PIK3R4: variants seen among roughly 807,000 people sequenced by gnomAD.
PIK3R4 encodes phosphoinositide 3-kinase regulatory subunit 4.
PIK3R4 carries 46 observed loss-of-function variants against 136.5 expected under a neutral mutation model. The observed-to-expected ratio is 0.34, with a 90% CI of 0.27 to 0.43. The LOEUF (loss-of-function observed/expected upper bound fraction) is 0.43. Among genes scored for constraint, PIK3R4 ranks in the 20% least tolerant of loss-of-function variants. The pLI, the probability that PIK3R4 is intolerant of heterozygous loss-of-function variation, is 1.00. For missense variants in PIK3R4, 1,331 were observed against 1,649.5 expected (o/e 0.81, Z 3.35); for synonymous variants, 557 against 566.7 (o/e 0.98, Z 0.24).
intron 7 of PIK3R4, among the ~76,000 whole-genome samples, chr3:130,721,074 G>A (rs2066697110): frequency 6.6e-6 from 1 of 151,880 alleles, no homozygotes. Flanking sequence ...GGTGGCTCAC[G>A]CCTGTAATCC....
intron 15 of PIK3R4, among the ~76,000 whole-genome samples, chr3:130,684,986 A>T (rs2066481450): frequency 6.6e-6 from 1 of 152,232 alleles, no homozygotes; most frequent in African/African-American, 2.4e-5. Context: ...TAACAGTGTA[A>T]CAAATATGAG....
At chr3:130,736,621 T>C (rs1306186716) in intron 2 of PIK3R4, among the ~76,000 whole-genome samples, 1 of 152,236 alleles carries the variant, frequency 6.6e-6, no homozygotes, top group South Asian at 2.1e-4. Flanking sequence ...TGAATGTATA[T>C]ATGTAATATA....
intron 12 of PIK3R4, among the ~76,000 whole-genome samples, chr3:130,704,883 T>C (rs1422101550): frequency 6.6e-6 from 1 of 152,158 alleles, no homozygotes; most frequent in East Asian, 1.9e-4. Flanking sequence ...CAGGCTGGAA[T>C]GCAGTGATAT....
intron 7 of PIK3R4, among the ~76,000 whole-genome samples, chr3:130,720,671 GA>G (rs1042245131): frequency 1.1e-4 from 16 of 152,024 alleles, no homozygotes; most frequent in Non-Finnish European, 2.4e-4. Context: ...TCCTCTTGTA[GA>G]AAAAAATCTG....
At chr3:130,739,172 G>C (rs1162184099) in intron 2 of PIK3R4, among the ~76,000 whole-genome samples, 2 of 152,202 alleles carry the variant, frequency 1.3e-5, no homozygotes, top group Admixed American at 6.5e-5. Context: ...CGCCTCCCTG[G>C]TTCACGCCAT....
chr3:130,721,030 C>T (rs1406535313), intron 7 of PIK3R4, among the ~76,000 whole-genome samples: 1 of 151,382 alleles, frequency 6.6e-6, no homozygotes, highest in African/African-American at 2.4e-5. Flanking sequence ...GAGCAAAACC[C>T]TGTGTCTTAA....
chr3:130,700,688 G>C (rs1362284037), intron 13 of PIK3R4, among the ~76,000 whole-genome samples: 1 of 152,200 alleles, frequency 6.6e-6, no homozygotes, highest in African/African-American at 2.4e-5. Flanking sequence ...ACTCCTCTTA[G>C]TCAGAATGTA....
intron 5 of PIK3R4, among the ~76,000 whole-genome samples, chr3:130,728,997 T>C (rs2066748337): frequency 6.6e-6 from 1 of 152,202 alleles, no homozygotes; most frequent in African/African-American, 2.4e-5. Context: ...GGAAATCACA[T>C]TGCCCCAGTA....
chr3:130,714,561 G>C (rs1333357767), intron 9 of PIK3R4, among the ~76,000 whole-genome samples: 5 of 152,114 alleles, frequency 3.3e-5, no homozygotes, highest in Non-Finnish European at 1.5e-5. Flanking sequence ...GTGCTATGGT[G>C]GTTTGCTTCA....
chr3:130,742,210 C>T (rs2066827758), intron 2 of PIK3R4, among the ~76,000 whole-genome samples: 1 of 152,184 alleles, frequency 6.6e-6, no homozygotes, highest in Admixed American at 6.5e-5. Flanking sequence ...AGATGCCACC[C>T]ACCTCTTTTT....
At chr3:130,715,922 A>G (rs1327238184) in intron 9 of PIK3R4, among the ~76,000 whole-genome samples, 1 of 152,250 alleles carries the variant, frequency 6.6e-6, no homozygotes, top group East Asian at 1.9e-4. Context: ...CTGCTGGTCT[A>G]TTAAACCTAA....
At chr3:130,703,487 C>T (rs1288434853) in intron 13 of PIK3R4, among the ~76,000 whole-genome samples, 2 of 152,170 alleles carry the variant, frequency 1.3e-5, no homozygotes, top group African/African-American at 4.8e-5. Context: ...AGCTTCCTTT[C>T]CTGCTGTATT....
At position 130,744,951 on chromosome 3, in the gene PIK3R4, C is replaced by T. The variant is rs911577101; in HGVS notation, c.268G>A (p.Ala90Thr). 1 of 1,614,182 alleles carries T rather than the reference C, an allele frequency of 6.2e-7. No individual in the cohort carries two copies. The highest frequency in any genetic ancestry group is 1.1e-5 in the South Asian group (1 of 91,084). The change falls in exon 2 of 20, where the codon GCA becomes ACA. Residue 90 changes from alanine (A) to threonine (T), a missense_variant. Ala to Thr is a moderately conservative substitution (Grantham distance 58). Coordinates refer to ENST00000356763, the MANE Select transcript of PIK3R4 (RefSeq NM_014602.3). ...SAQNCLPFQK[A>T]SEKASEKAAM... ...GCTTTCTCAGATGCTTTTTCTGATGCTTTCTGGAAAGGTAGACAATTCTGT... is the reference window on the plus strand; with the variant it reads ...GCTTTCTCAGATGCTTTTTCTGATGTTTTCTGGAAAGGTAGACAATTCTGT...
intron 8 of PIK3R4, among the ~76,000 whole-genome samples, chr3:130,718,075 C>T (rs2066675874): frequency 6.6e-6 from 1 of 152,014 alleles, no homozygotes; most frequent in Non-Finnish European, 1.5e-5. Flanking sequence ...AAGCAGAGGG[C>T]CATCAATATA....
At chr3:130,744,351 C>A in intron 2 of PIK3R4, 135 bp downstream of exon 2, 2 of 927,018 alleles carry the variant, frequency 2.2e-6, no homozygotes, top group East Asian at 4.9e-5. Flanking sequence ...AATGCTGCCT[C>A]TAACTGAAAT....
intron 7 of PIK3R4, 77 bp from the exon 8 acceptor site, chr3:130,718,611 C>T (rs1349691277): frequency 2.2e-5 from 31 of 1,424,540 alleles, no homozygotes; most frequent in Non-Finnish European, 2.9e-5. Flanking sequence ...TACCTTATAA[C>T]GTAACTGACA....
chr3:130,725,873 T>G (rs768498329), intron 6 of PIK3R4: 5 of 152,086 alleles, frequency 3.3e-5, no homozygotes, highest in African/African-American at 4.8e-5. Flanking sequence ...CTAAGAAATA[T>G]ATATCAAAAC....
rs924649877 is a variant in PIK3R4 at position 130,716,491 on chromosome 3, G to A, written c.2236C>T (p.His746Tyr). ...CCATTTCGTTTCTTCTGACGCATGT[G>A]AAGATGTCTGAACAAGCTAGTAATA... ...KDITSLFRHL[H>Y]MRQKKRNGSL... Residue 746 changes from histidine to tyrosine, a missense_variant, in exon 9 of 20, where the codon CAC becomes TAC. Coordinates refer to ENST00000356763, the MANE Select transcript of PIK3R4 (RefSeq NM_014602.3). The A allele has an allele frequency of 3.1e-6, 5 of 1,613,818 alleles. No individual in the cohort carries two copies. The highest frequency in any genetic ancestry group is 2.2e-5 in the East Asian group (1 of 44,872).
intron 14 of PIK3R4, 109 bp downstream of exon 14, chr3:130,690,381 A>C (rs1271719443): frequency 2.0e-6 from 1 of 492,798 alleles, no homozygotes; most frequent in Non-Finnish European, 3.5e-6. Context: ...AAAGAAGTGC[A>C]ATGTAAGAGG....
Sources: gnomAD v4.1 joint callset for allele counts (sites outside exome capture counted in the v4.1 genomes callset) on GRCh38, gnomAD v4.1.1 for gene constraint, MANE v1.5 for transcripts, NCBI Gene and HGNC (gene_info 2026-07-23, HGNC 2026-07-21) for gene names.